ADARB1: variants seen among roughly 807,000 people sequenced by gnomAD.
ADARB1 encodes adenosine deaminase RNA specific B1.
A neutral mutation model predicts 52.4 loss-of-function variants in ADARB1; 10 were observed. That is an observed-to-expected ratio of 0.19 (90% CI 0.12 to 0.32). The LOEUF (loss-of-function observed/expected upper bound fraction) is 0.32, where lower values mean the gene tolerates loss of function less well. Among genes scored for constraint, ADARB1 ranks in the 10% least tolerant of loss-of-function variants. The pLI is 1.00. For missense variants in ADARB1, 643 were observed against 922.3 expected, an observed-to-expected ratio of 0.70 and a Z score of 3.92; for synonymous variants, 349 against 371.1, an observed-to-expected ratio of 0.94 and a Z score of 0.68.
At chr21:45,137,589 G>A (rs572195647) in intron 2 of ADARB1, among the ~76,000 whole-genome samples, 25 of 152,334 alleles carry the variant, frequency 1.6e-4, no homozygotes, top group Admixed American at 1.4e-3. Context: ...TTCAGAGGAC[G>A]GTGTGAGGAT....
intron 1 of ADARB1, among the ~76,000 whole-genome samples, chr21:45,105,502 C>T (rs2087208662): frequency 6.6e-6 from 1 of 152,202 alleles, no homozygotes; most frequent in Non-Finnish European, 1.5e-5. Flanking sequence ...AGGCTGGTTT[C>T]TCTGTTTCCT....
At chr21:45,137,346 C>G (rs414174) in intron 2 of ADARB1, 147,317 of 152,390 alleles carry the variant, frequency 0.97, 71,243 homozygotes, top group East Asian at 1. Flanking sequence ...CCTGATATGT[C>G]GAGAGTTCTG....
In ADARB1 at chr21:45,197,135, G is replaced by A. The variant is rs1242353323; in HGVS notation, c.1566-7420G>A. The stretch of plus-strand genomic sequence containing the variant: ...GGAGGTTGCAGTGAGCTGAGATTGC[G>A]CCACTGCACTCCAGCTTGGGCATCA... On this transcript the variant is annotated intron_variant, in intron 8 of 10. Coordinates refer to ENST00000348831, the MANE Select transcript of ADARB1 (RefSeq NM_001112.4). Among the ~76,000 whole-genome samples the A allele has an allele frequency of 3.9e-5, 6 of 152,288 alleles. No individual in the cohort carries two copies. The East Asian group carries it at 7.7e-4, about 20-fold the overall frequency.
intron 2 of ADARB1, among the ~76,000 whole-genome samples, chr21:45,143,194 T>G (rs138789900): frequency 3.3e-5 from 5 of 152,160 alleles, no homozygotes; most frequent in Admixed American, 3.3e-4. Context: ...GGCACTGTGC[T>G]CCTCACTCAG....
intron 1 of ADARB1, among the ~76,000 whole-genome samples, chr21:45,087,945 T>C (rs951550338): frequency 2.0e-5 from 3 of 152,150 alleles, no homozygotes; most frequent in Non-Finnish European, 4.4e-5. Context: ...CGACTTTATG[T>C]GTATGTGGGG....
intron 2 of ADARB1, among the ~76,000 whole-genome samples, chr21:45,133,928 C>T (rs1241280995): frequency 9.7e-6 from 1 of 102,916 alleles, no homozygotes; most frequent in Admixed American, 1.0e-4. Flanking sequence ...GTGGTGTGTG[C>T]GCCCGACGGG....
At chr21:45,151,452 C>T (rs1483845763) in intron 2 of ADARB1, among the ~76,000 whole-genome samples, 2 of 152,210 alleles carry the variant, frequency 1.3e-5, no homozygotes, top group African/African-American at 2.4e-5. Context: ...TTACACGAGA[C>T]AGTAATTGCA....
intron 8 of ADARB1, among the ~76,000 whole-genome samples, chr21:45,189,805 G>A (rs1229054385): frequency 6.7e-6 from 1 of 149,804 alleles, no homozygotes; most frequent in African/African-American, 2.5e-5. Context: ...GGTTTCTGCT[G>A]AGAAAGCCAC....
chr21:45,108,598 C>T lies in ADARB1; in HGVS notation c.-219-19804C>T, dbSNP rs572458974. On this transcript the variant is annotated intron_variant, in intron 1 of 10. Coordinates refer to ENST00000348831, the MANE Select transcript of ADARB1 (RefSeq NM_001112.4). ...TGCCCCCGCTCTACTGTGGATTATT[C>T]TAGGCTGTTTCTCCTTCCTTCCAAC... is the stretch of plus-strand genomic sequence containing the variant. Among the ~76,000 whole-genome samples, 137 of 152,314 alleles carry T rather than the reference C, an allele frequency of 9.0e-4. 1 individual carries two copies. In the South Asian group the frequency reaches 0.028, roughly 31 times the overall value.
rs576122642 is a variant in ADARB1, at chr21:45,087,251, C to T, written c.-220+12458C>T. Among the ~76,000 whole-genome samples the T allele has an allele frequency of 9.2e-5, 14 of 152,358 alleles. No homozygotes were observed. The South Asian group carries it at 2.7e-3, about 29-fold the overall frequency. Reference sequence around the variant, plus strand: ...ATAGACCTCCAACAATGTGAAAATACATTCGGAATAACCTAAATATCCATA... The same window carrying T: ...ATAGACCTCCAACAATGTGAAAATATATTCGGAATAACCTAAATATCCATA... On this transcript the variant is annotated intron_variant, in intron 1 of 10. Coordinates refer to ENST00000348831, the MANE Select transcript of ADARB1 (RefSeq NM_001112.4).
In ADARB1 at chr21:45,208,773, A is replaced by G. The variant is rs1276692268; in HGVS notation, c.1747+4037A>G. Reference sequence around the variant, plus strand: ...GCGTATTCTCCAGGTAAGAGCAGGCACCGGGGTTGTGGGAAAGAGGTGTCA... The same window carrying G: ...GCGTATTCTCCAGGTAAGAGCAGGCGCCGGGGTTGTGGGAAAGAGGTGTCA... On this transcript the variant is annotated intron_variant, in intron 9 of 10. Transcript: ENST00000348831. The surrounding 1 kb of genome is among the most constrained non-coding windows in gnomAD (Gnocchi z 5.6). Among the ~76,000 whole-genome samples the G allele has an allele frequency of 6.6e-6, 1 of 151,958 alleles. No homozygotes were observed. Among genetic ancestry groups the G allele is most frequent in the Non-Finnish European group, 1.5e-5 (1 of 67,996 alleles).
In ADARB1 at chr21:45,198,853, A is replaced by G. The variant is rs145887616; in HGVS notation, c.1566-5702A>G. Among the ~76,000 whole-genome samples the G allele has an allele frequency of 5.5e-3, 837 of 152,318 alleles. 5 individuals are homozygous for G. Among genetic ancestry groups the G allele is most frequent in the African/African-American group, 0.019 (777 of 41,560 alleles). ...TTTAGCAAGCCAAATTCTATTTTAT[A>G]TTTTTTAAAGCTTCATTAATTCCTC... On this transcript the variant is annotated intron_variant, in intron 8 of 10. Transcript: ENST00000348831.
At chr21:45,148,210 G>A (rs540741558) in intron 2 of ADARB1, among the ~76,000 whole-genome samples, 4 of 152,136 alleles carry the variant, frequency 2.6e-5, no homozygotes, top group Admixed American at 6.5e-5. Context: ...ATGCCCTCAC[G>A]GACCTGCCCA....
Position 45,222,166 on chromosome 21 carries a change from C to G in ADARB1, c.2075C>G (p.Thr692Ser). Residue 692 changes from threonine (T) to serine (S), a missense_variant, in exon 11 of 11, where the codon ACC becomes AGC. Thr to Ser is a moderately conservative substitution (Grantham distance 58, BLOSUM62 1). Around this residue, in one of 2 missense-constraint regions of ADARB1, gnomAD observed 263 missense variants for 475.8 expected, o/e 0.55. Transcript: ENST00000348831. ...CTGGGGGCCTGGGTGGAGAAGCCCACCGAGCAGGACCAGTTCTCACTCACG... is the reference window on the plus strand; with the variant it reads ...CTGGGGGCCTGGGTGGAGAAGCCCAGCGAGCAGGACCAGTTCTCACTCACG... Reference protein sequence around the residue: ...AGLGAWVEKPTEQDQFSLTP With the variant: ...AGLGAWVEKPSEQDQFSLTP 1 of 1,599,754 alleles carries G rather than the reference C, an allele frequency of 6.3e-7. No individual in the cohort carries two copies. Among genetic ancestry groups the G allele is most frequent in the Non-Finnish European group, 8.5e-7 (1 of 1,174,062 alleles).
At chr21:45,133,402 C>T (rs986000550) in intron 2 of ADARB1, among the ~76,000 whole-genome samples, 10 of 152,238 alleles carry the variant, frequency 6.6e-5, no homozygotes, top group African/African-American at 2.4e-4. Flanking sequence ...TCCTCTCTGA[C>T]TTCTCTCATC....
chr21:45,217,606 G>GA (rs1171601158), intron 9 of ADARB1, among the ~76,000 whole-genome samples: 1 of 151,824 alleles, frequency 6.6e-6, no homozygotes, highest in Admixed American at 6.6e-5. Flanking sequence ...TAAATAATAA[G>GA]AAAAAAACCT....
At chr21:45,154,780 C>A (rs1181335148) in intron 2 of ADARB1, among the ~76,000 whole-genome samples, 1 of 152,238 alleles carries the variant, frequency 6.6e-6, no homozygotes, top group Non-Finnish European at 1.5e-5. Context: ...GAGTCCCCAT[C>A]AAGCAGACAC....
chr21:45,197,457 G>A (rs1190927275), intron 8 of ADARB1, among the ~76,000 whole-genome samples: 1 of 150,144 alleles, frequency 6.7e-6, no homozygotes, highest in Non-Finnish European at 1.5e-5. Context: ...CTGAGATCAC[G>A]CCACTGCGCT....
intron 1 of ADARB1, among the ~76,000 whole-genome samples, chr21:45,120,397 A>T (rs371624270): frequency 6.6e-6 from 1 of 152,178 alleles, no homozygotes; most frequent in Non-Finnish European, 1.5e-5. Context: ...CACACTTCTC[A>T]TTGTCTTCCT....
Sources: allele counts gnomAD v4.1 joint callset (sites outside exome capture counted in the v4.1 genomes callset), GRCh38; gene constraint gnomAD v4.1.1; regional missense constraint gnomAD v4.1.1; non-coding constraint Gnocchi (gnomAD v3.1); transcripts MANE v1.5; gene names NCBI Gene and HGNC (gene_info 2026-07-23, HGNC 2026-07-21).